The following SEMA3A variants were observed in gnomAD, a reference collection of about 807,000 sequenced individuals.
SEMA3A encodes semaphorin 3A, also known as semaphorin-3A.
In SEMA3A, 29 loss-of-function variants were observed where a neutral mutation model predicts 97.9. The observed-to-expected ratio is 0.30, with a 90% CI of 0.22 to 0.40. The LOEUF is 0.40. SEMA3A is among the 10% of genes least tolerant of loss of function. The pLI, the probability that SEMA3A is intolerant of heterozygous loss-of-function variation, is 1.00. For missense variants in SEMA3A, 763 were observed against 951.3 expected, an observed-to-expected ratio of 0.80 and a Z score of 2.60; for synonymous variants, 321 against 323.7, an observed-to-expected ratio of 0.99 and a Z score of 0.09.
At chr7:84,384,110 TTAAA>T in intron 1 of SEMA3A, among the ~76,000 whole-genome samples, 1 of 152,324 alleles carries the variant, frequency 6.6e-6, no homozygotes, top group African/African-American at 2.4e-5. Flanking sequence ...AATGAGTCCT[TTAAA>T]TAACTCATTG....
intron 1 of SEMA3A, among the ~76,000 whole-genome samples, chr7:84,455,440 C>A (rs1460404085): frequency 6.6e-6 from 1 of 151,826 alleles, no homozygotes; most frequent in Non-Finnish European, 1.5e-5. Flanking sequence ...ACTAATATTT[C>A]TAAATGTTCA....
intron 3 of SEMA3A, among the ~76,000 whole-genome samples, chr7:84,283,125 T>C (rs181840194): frequency 1.1e-3 from 171 of 152,266 alleles, no homozygotes; most frequent in Admixed American, 3.8e-3. Context: ...GAATTGTGTG[T>C]GTGTGTGTTT....
chr7:84,472,111 T>C (rs1310083712), intron 1 of SEMA3A, among the ~76,000 whole-genome samples: 1 of 152,092 alleles, frequency 6.6e-6, no homozygotes, highest in Non-Finnish European at 1.5e-5. Context: ...AATATTAATA[T>C]ATATGGCTAT....
intron 3 of SEMA3A, among the ~76,000 whole-genome samples, chr7:84,302,366 T>A (rs1469112357): frequency 1.3e-5 from 2 of 152,168 alleles, no homozygotes; most frequent in East Asian, 3.8e-4. Context: ...GAAGTTTGTT[T>A]CATCTAAATT....
chr7:84,299,900 C>G (rs889399899), intron 3 of SEMA3A, among the ~76,000 whole-genome samples: 17 of 136,652 alleles, frequency 1.2e-4, no homozygotes, highest in African/African-American at 4.9e-4. Flanking sequence ...GGCATGGCGG[C>G]AGATGCCTGT....
intron 3 of SEMA3A, among the ~76,000 whole-genome samples, chr7:84,268,522 C>T (rs992091344): frequency 6.6e-6 from 1 of 151,994 alleles, no homozygotes; most frequent in Non-Finnish European, 1.5e-5. Context: ...AAACCCTGTT[C>T]CTGTCCTTCC....
intron 12 of SEMA3A, among the ~76,000 whole-genome samples, chr7:84,000,053 G>T (rs182949881): frequency 6.6e-6 from 1 of 151,928 alleles, no homozygotes; most frequent in East Asian, 1.9e-4. Context: ...ATACATGTTG[G>T]TTTAAAAGAC....
intron 4 of SEMA3A, among the ~76,000 whole-genome samples, chr7:84,067,776 G>T (rs1793579608): frequency 6.7e-6 from 1 of 150,120 alleles, no homozygotes; most frequent in African/African-American, 2.4e-5. Flanking sequence ...GGAAACAACA[G>T]GTGCTGGAGA....
chr7:84,379,730 T>A (rs641526), intron 1 of SEMA3A, among the ~76,000 whole-genome samples: 18,470 of 152,170 alleles, frequency 0.12, 2,074 homozygotes, highest in East Asian at 0.35. Flanking sequence ...CTAAAGCTCT[T>A]TGTTCATCGA....
At chr7:84,297,037 G>A (rs771986031) in intron 3 of SEMA3A, among the ~76,000 whole-genome samples, 5 of 152,038 alleles carry the variant, frequency 3.3e-5, no homozygotes, top group Non-Finnish European at 5.9e-5. Flanking sequence ...GAGTACAATG[G>A]CACAATCTCA....
chr7:83,972,050 T>TAC (rs1020760340), intron 15 of SEMA3A, among the ~76,000 whole-genome samples: 4 of 151,640 alleles, frequency 2.6e-5, no homozygotes, highest in Non-Finnish European at 4.4e-5. Flanking sequence ...TGTATATATA[T>TAC]ACACACACAT....
intron 2 of SEMA3A, among the ~76,000 whole-genome samples, chr7:84,340,303 T>C (rs1028363093): frequency 6.6e-6 from 1 of 152,162 alleles, no homozygotes; most frequent in Non-Finnish European, 1.5e-5. Flanking sequence ...TGATTGATTA[T>C]AGCATGTAAT....
At chr7:84,379,361 A>C (rs1015220734) in intron 1 of SEMA3A, among the ~76,000 whole-genome samples, 36 of 152,220 alleles carry the variant, frequency 2.4e-4, no homozygotes, top group Non-Finnish European at 4.7e-4. Context: ...TCCAAAGCTT[A>C]TCTAACACAA....
chr7:84,232,335 G>T (rs1312304127), intron 3 of SEMA3A, among the ~76,000 whole-genome samples: 1 of 148,880 alleles, frequency 6.7e-6, no homozygotes, highest in Non-Finnish European at 1.5e-5. Flanking sequence ...AAATATATAA[G>T]GAAAAATGTC....
rs565195731 is a variant in SEMA3A, at chr7:84,031,940, T to C, written c.667+14384A>G. Among the ~76,000 whole-genome samples, 4 of 152,324 alleles carry C rather than the reference T, an allele frequency of 2.6e-5. No homozygotes were observed. In the South Asian group the frequency reaches 6.2e-4, roughly 24 times the overall value. ...AGGTCAGAATCTACAGATAAAAACATTGGTATTTGTGAATTCCAGTAACTG... is the reference window on the plus strand; with the variant it reads ...AGGTCAGAATCTACAGATAAAAACACTGGTATTTGTGAATTCCAGTAACTG... On this transcript the variant is annotated intron_variant, in intron 6 of 16. Transcript: ENST00000265362.
At position 83,961,054 on chromosome 7, in the gene SEMA3A, G is replaced by A. The variant is rs1163499616; in HGVS notation, c.*317C>T. ...TTTTTCTCCTTTAGATGGCAATATGGCAAATGACATTTTTATTTCTCAGGC... is the reference window on the plus strand; with the variant it reads ...TTTTTCTCCTTTAGATGGCAATATGACAAATGACATTTTTATTTCTCAGGC... On this transcript the variant is annotated 3_prime_UTR_variant, in exon 17 of 17. Transcript: ENST00000265362. 2 of 308,260 alleles carry A rather than the reference G, an allele frequency of 6.5e-6. No individual in the cohort carries two copies. Among genetic ancestry groups the A allele is most frequent in the Non-Finnish European group, 1.2e-5 (2 of 165,216 alleles). 19.1% of individuals were successfully genotyped at this position (308,260 alleles called of 1,614,324 possible). A position where few individuals can be genotyped will look rare whatever the true frequency, so the allele number is the denominator to read the frequency against.
At chr7:84,140,930 T>C (rs1796275323) in intron 1 of SEMA3A, among the ~76,000 whole-genome samples, 1 of 152,146 alleles carries the variant, frequency 6.6e-6, no homozygotes, top group Admixed American at 6.6e-5. Context: ...AGCAAAAACA[T>C]GAACAACGAA....
chr7:84,091,327 A>T (rs1240355402), intron 4 of SEMA3A, among the ~76,000 whole-genome samples: 1 of 135,752 alleles, frequency 7.4e-6, no homozygotes, highest in Non-Finnish European at 1.7e-5. Context: ...GAAGGAAGAG[A>T]GAGAGAGAAA....
At chr7:84,122,520 T>C (rs1795655390) in intron 3 of SEMA3A, among the ~76,000 whole-genome samples, 1 of 152,118 alleles carries the variant, frequency 6.6e-6, no homozygotes, top group Admixed American at 6.6e-5. Context: ...TTCCAACAAT[T>C]ATACATGAGG....
Sources: allele counts gnomAD v4.1 joint callset (sites outside exome capture counted in the v4.1 genomes callset), GRCh38; gene constraint gnomAD v4.1.1; transcripts MANE v1.5; gene names NCBI Gene and HGNC (gene_info 2026-07-23, HGNC 2026-07-21).